The following USH2A variants were observed in gnomAD, a reference collection of about 807,000 sequenced individuals.
USH2A encodes usherin, also known as Usher syndrome 2A (autosomal recessive, mild).
In USH2A, 443 loss-of-function variants were observed where a neutral mutation model predicts 538.9. The observed-to-expected ratio is 0.82, with a 90% CI of 0.76 to 0.89. The LOEUF is 0.89. USH2A is among the 40% of genes least tolerant of loss of function. The pLI is 0.00. For missense variants in USH2A, 6,633 were observed against 6,324.8 expected (o/e 1.05, Z -1.65); for synonymous variants, 2,413 against 2,273.5 (o/e 1.06, Z -1.75).
In USH2A at chr1:215,836,539, TATAATATATATATATATATATA is replaced by T. The variant is rs1558120231; in HGVS notation, c.9371+1430_9371+1451del. On this transcript the variant is annotated intron_variant, in intron 47 of 71. Transcript: ENST00000307340. Reference sequence around the variant, plus strand: ...ATATAATATATATTATATATATATATATAATATATATATATATATATATATATTTTTTTTTGAGACAGAGTAT... The same window carrying T: ...ATATAATATATATTATATATATATATTATATTTTTTTTTGAGACAGAGTAT... Among the ~76,000 whole-genome samples the T allele has an allele frequency of 2.2e-3, 58 of 25,970 alleles. 4 individuals are homozygous for T. In the East Asian group the frequency reaches 0.025, roughly 11 times the overall value. 17.0% of individuals were successfully genotyped at this position (25,970 alleles called of 152,430 possible). A position where few individuals can be genotyped will look rare whatever the true frequency, so the allele number is the denominator to read the frequency against.
chr1:215,639,766 C>T (rs1199893682), intron 68 of USH2A, among the ~76,000 whole-genome samples: 1 of 152,208 alleles, frequency 6.6e-6, no homozygotes, highest in Non-Finnish European at 1.5e-5. Context: ...ACCTTCCTTT[C>T]CCAAAGAGCT....
intron 37 of USH2A, among the ~76,000 whole-genome samples, chr1:215,941,925 T>C (rs1666645813): frequency 6.6e-6 from 1 of 152,140 alleles, no homozygotes; most frequent in Admixed American, 6.5e-5. Flanking sequence ...GTTAGTTACC[T>C]ATCGATGTGT....
chr1:216,078,996 TA>T (rs2031845891), intron 26 of USH2A: 2 of 152,148 alleles, frequency 1.3e-5, no homozygotes, highest in African/African-American at 2.4e-5. Context: ...ATTTTCATAG[TA>T]AAAAATAAGT....
At position 216,321,865 on chromosome 1, in the gene USH2A, G is replaced by A; in HGVS notation, c.1644+18C>T. The stretch of plus-strand genomic sequence containing the variant: ...TACTATTTTTTTTTTAGATTTCCAT[G>A]CATAAAATAGAACTCACATGAAGTC... On this transcript the variant is annotated intron_variant, in intron 9 of 71. Coordinates refer to ENST00000307340, the MANE Select transcript of USH2A (RefSeq NM_206933.4). 1 of 1,597,098 alleles carries A rather than the reference G, an allele frequency of 6.3e-7. No individual in the cohort carries two copies. The highest frequency in any genetic ancestry group is 8.6e-7 in the Non-Finnish European group (1 of 1,164,824).
intron 61 of USH2A, among the ~76,000 whole-genome samples, chr1:215,726,414 T>C (rs1217265576): frequency 1.3e-5 from 2 of 152,226 alleles, no homozygotes; most frequent in Admixed American, 6.5e-5. Flanking sequence ...TTCATTTACA[T>C]ATTGCTTATT....
intron 38 of USH2A, among the ~76,000 whole-genome samples, chr1:215,916,922 G>C (rs1665969742): frequency 6.6e-6 from 1 of 152,096 alleles, no homozygotes; most frequent in African/African-American, 2.4e-5. Flanking sequence ...GACAATTTCA[G>C]TGAATTTGTT....
chr1:215,990,760 CTTTTTT>C lies in USH2A; in HGVS notation c.6805+2254_6805+2259del, dbSNP rs35293238. 7.6e-3 allele frequency among the ~76,000 whole-genome samples: 876 copies of C among 114,572 alleles called. 11 individuals carry two copies. The highest frequency in any genetic ancestry group is 0.027 in the African/African-American group (811 of 30,216). The allele number at this position is 114,572 out of a possible 152,430, so 75.2% of individuals were successfully genotyped here. A position where few individuals can be genotyped will look rare whatever the true frequency, so the allele number is the denominator to read the frequency against. ...ACAGGGATTGTTAATCTTAATTTTC[CTTTTTT>C]TTTTTTTTTTTTTGAGATGGAGTCT... is the stretch of plus-strand genomic sequence containing the variant. On this transcript the variant is annotated intron_variant, in intron 35 of 71. Coordinates refer to ENST00000307340, the MANE Select transcript of USH2A (RefSeq NM_206933.4).
intron 3 of USH2A, among the ~76,000 whole-genome samples, chr1:216,406,794 C>T (rs2039404491): frequency 6.6e-6 from 1 of 152,110 alleles, no homozygotes; most frequent in Non-Finnish European, 1.5e-5. Flanking sequence ...GAACACCACC[C>T]CTTTTTATAA....
At chr1:216,243,029 C>T (rs1228388610) in intron 13 of USH2A, among the ~76,000 whole-genome samples, 1 of 152,136 alleles carries the variant, frequency 6.6e-6, no homozygotes, top group Non-Finnish European at 1.5e-5. Flanking sequence ...AATAACTGCA[C>T]TGTTCAACAA....
At chr1:216,224,923 T>C (rs2035531215) in intron 14 of USH2A, among the ~76,000 whole-genome samples, 2 of 152,278 alleles carry the variant, frequency 1.3e-5, no homozygotes, top group African/African-American at 4.8e-5. Context: ...TTCCATTTGT[T>C]ATAATTGGAA....
At chr1:215,878,594 A>C (rs1664831304) in intron 42 of USH2A, among the ~76,000 whole-genome samples, 170 bp downstream of exon 42, 1 of 152,198 alleles carries the variant, frequency 6.6e-6, no homozygotes, top group South Asian at 2.1e-4. Context: ...TGATGTTTCC[A>C]TAATAAGTTG....
chr1:216,088,842 G>T (rs766703515), intron 23 of USH2A, among the ~76,000 whole-genome samples, 171 bp downstream of exon 23: 1 of 152,098 alleles, frequency 6.6e-6, no homozygotes, highest in Non-Finnish European at 1.5e-5. Flanking sequence ...TGAAAAACTG[G>T]TTGCCAGACT....
intron 3 of USH2A, among the ~76,000 whole-genome samples, chr1:216,401,107 G>GTGATGC (rs1214320511): frequency 1.3e-5 from 2 of 152,064 alleles, no homozygotes. Context: ...TCAGTGTAAT[G>GTGATGC]TGATGCTCAC....
intron 49 of USH2A, among the ~76,000 whole-genome samples, chr1:215,809,385 T>C (rs185517092): frequency 2.6e-5 from 4 of 152,244 alleles, no homozygotes; most frequent in Admixed American, 2.6e-4. Flanking sequence ...TGTTAATTGG[T>C]TTAGATATTT....
chr1:215,921,731 A>G (rs541557862), intron 38 of USH2A, among the ~76,000 whole-genome samples: 1 of 152,152 alleles, frequency 6.6e-6, no homozygotes, highest in African/African-American at 2.4e-5. Flanking sequence ...TCTGCCTTTT[A>G]CTAGTAAGAT....
intron 47 of USH2A, among the ~76,000 whole-genome samples, chr1:215,836,556 TA>T (rs1253996666): frequency 3.1e-4 from 6 of 19,408 alleles, no homozygotes; most frequent in Non-Finnish European, 2.5e-4. Context: ...TATATATATA[TA>T]TATATATATT....
intron 26 of USH2A, among the ~76,000 whole-genome samples, chr1:216,082,931 A>T (rs1001811807): frequency 6.6e-6 from 1 of 152,084 alleles, no homozygotes; most frequent in African/African-American, 2.4e-5. Flanking sequence ...TTCAAACTAT[A>T]AAAATGCATG....
At chr1:215,699,546 G>A (rs1408515264) in intron 61 of USH2A, among the ~76,000 whole-genome samples, 1 of 152,146 alleles carries the variant, frequency 6.6e-6, no homozygotes, top group Non-Finnish European at 1.5e-5. Flanking sequence ...ACCCTTGTAA[G>A]TTGTATTCCT....
intron 10 of USH2A, among the ~76,000 whole-genome samples, chr1:216,291,907 G>A (rs2037008624): frequency 6.6e-6 from 1 of 152,038 alleles, no homozygotes; most frequent in African/African-American, 2.4e-5. Context: ...CAAATGGTGT[G>A]AACTCTTTAA....
Sources: gnomAD v4.1 joint callset for allele counts (sites outside exome capture counted in the v4.1 genomes callset) on GRCh38, gnomAD v4.1.1 for gene constraint, MANE v1.5 for transcripts, NCBI Gene and HGNC (gene_info 2026-07-23, HGNC 2026-07-21) for gene names.